DNAH12: variants seen among roughly 807,000 people sequenced by gnomAD.
DNAH12 encodes axonemal beta dynein heavy chain 12.
Under a neutral mutation model 371.5 loss-of-function variants are expected in DNAH12, and 285 were observed. The observed-to-expected ratio is 0.77, with a 90% CI of 0.70 to 0.85. DNAH12 has a LOEUF of 0.85. Ranked by LOEUF, DNAH12 falls within the 40% of genes least tolerant of loss-of-function variation. The pLI, the probability that DNAH12 is intolerant of heterozygous loss-of-function variation, is 0.00. For synonymous variants in DNAH12, 1,200 were observed against 1,213.0 expected, an observed-to-expected ratio of 0.99 and a Z score of 0.22; for missense variants, 3,611 against 3,689.4, an observed-to-expected ratio of 0.98 and a Z score of 0.55.
chr3:57,370,209 G>A (rs2063140338), intron 55 of DNAH12, among the ~76,000 whole-genome samples: 1 of 118,184 alleles, frequency 8.5e-6, no homozygotes, highest in African/African-American at 2.8e-5. Context: ...CATTTTATTT[G>A]TTTGTCTCCT....
chr3:57,451,961 C>A (rs1011446608), intron 25 of DNAH12, among the ~76,000 whole-genome samples: 4 of 152,172 alleles, frequency 2.6e-5, no homozygotes, highest in African/African-American at 9.6e-5. Context: ...GGTCAAGCTG[C>A]GTACTTGATC....
chr3:57,305,188 TAC>T (rs1231363842), intron 69 of DNAH12, among the ~76,000 whole-genome samples: 1 of 152,170 alleles, frequency 6.6e-6, no homozygotes, highest in Non-Finnish European at 1.5e-5. Context: ...GGCATTCTTT[TAC>T]ACATTGTTCC....
At chr3:57,348,187 G>A (rs896009372) in intron 60 of DNAH12, among the ~76,000 whole-genome samples, 1 of 152,060 alleles carries the variant, frequency 6.6e-6, no homozygotes, top group African/African-American at 2.4e-5. Flanking sequence ...GCACTAAAAA[G>A]AAATAAGCTA....
chr3:57,350,541 T>C (rs2062648348), intron 60 of DNAH12, among the ~76,000 whole-genome samples: 1 of 152,226 alleles, frequency 6.6e-6, no homozygotes, highest in Non-Finnish European at 1.5e-5. Flanking sequence ...ATGTGGCTTG[T>C]ACATCTAAAT....
chr3:57,526,898 T>C (rs575041766), intron 2 of DNAH12, among the ~76,000 whole-genome samples: 8 of 150,984 alleles, frequency 5.3e-5, no homozygotes, highest in Admixed American at 4.0e-4. Flanking sequence ...TGGGTGGCAC[T>C]ATCTCAGCTC....
chr3:57,388,345 C>A (rs1057023093), intron 45 of DNAH12, among the ~76,000 whole-genome samples: 4 of 152,140 alleles, frequency 2.6e-5, no homozygotes, highest in Non-Finnish European at 5.9e-5. Context: ...CATGGCATAT[C>A]ATTAATCTTT....
intron 2 of DNAH12, among the ~76,000 whole-genome samples, chr3:57,538,321 A>AACAGTCCGGG (rs1407133604): frequency 1.3e-5 from 2 of 151,428 alleles, no homozygotes; most frequent in African/African-American, 4.8e-5. Flanking sequence ...CTCAGTATTA[A>AACAGTCCGGG]TACAGCACTA....
rs1215931941 is a variant in DNAH12, at chr3:57,379,708, G to A, written c.8083-410C>T. On this transcript the variant is annotated intron_variant, in intron 51 of 73. Transcript: ENST00000495027. ...GTACAAAAATTAGCTGGGCATAGTG[G>A]TGGGTGCCTGTAATCCCAGCTACTC... is the stretch of plus-strand genomic sequence containing the variant. 4.6e-5 allele frequency among the ~76,000 whole-genome samples: 7 copies of A among 151,862 alleles called. No individual in the cohort carries two copies. In the East Asian group the frequency reaches 1.4e-3, roughly 30 times the overall value.
At chr3:57,354,335 G>T (rs1319265755) in intron 59 of DNAH12, among the ~76,000 whole-genome samples, 1 of 152,056 alleles carries the variant, frequency 6.6e-6, no homozygotes, top group Non-Finnish European at 1.5e-5. Context: ...AGACACTGAG[G>T]CCTACTCAAA....
intron 17 of DNAH12, among the ~76,000 whole-genome samples, chr3:57,463,962 C>G (rs990175210): frequency 2.6e-4 from 40 of 151,770 alleles, no homozygotes; most frequent in African/African-American, 8.7e-4. Flanking sequence ...GAAAAAACTC[C>G]AAGCAGATGA....
chr3:57,488,945 T>TGC (rs1203396701), intron 12 of DNAH12, among the ~76,000 whole-genome samples: 1 of 151,922 alleles, frequency 6.6e-6, no homozygotes, highest in Non-Finnish European at 1.5e-5. Context: ...AAAGTGTGTG[T>TGC]GTGTGTGTGT....
At chr3:57,548,675 C>T (rs2069596714), upstream of DNAH12, among the ~76,000 whole-genome samples, 1 of 151,986 alleles carries the variant, frequency 6.6e-6, no homozygotes, top group South Asian at 2.1e-4. Flanking sequence ...CACTGCACTC[C>T]AGCCTGGGTG....
intron 11 of DNAH12, 149 bp from the exon 12 acceptor site, chr3:57,489,836 A>G: frequency 4.0e-6 from 3 of 759,086 alleles, no homozygotes; most frequent in Non-Finnish European, 3.9e-6. Flanking sequence ...TGTTGCATAC[A>G]TATTTTTTTC....
At chr3:57,425,698 A>C (rs1012876056) in intron 34 of DNAH12, among the ~76,000 whole-genome samples, 2 of 152,234 alleles carry the variant, frequency 1.3e-5, no homozygotes, top group Admixed American at 1.3e-4. Context: ...CACATAATAC[A>C]TTCTAAATTC....
At position 57,311,075 on chromosome 3, in the gene DNAH12, C is replaced by T. The variant is rs575809147; in HGVS notation, c.10663-125G>A. ...ATTATCATGAGTTGTCTTTCGGTAG[C>T]TGAGATTGTTAGTTTTTTTTTGGAC... is the stretch of plus-strand genomic sequence containing the variant. On this transcript the variant is annotated intron_variant, in intron 66 of 73. Coordinates refer to ENST00000495027, the MANE Select transcript of DNAH12 (RefSeq NM_001366028.2). 189 of 734,100 alleles carry T rather than the reference C, an allele frequency of 2.6e-4. 1 individual carries two copies. Among genetic ancestry groups the T allele is most frequent in the Non-Finnish European group, 2.8e-4 (126 of 451,986 alleles). 45.5% of individuals were successfully genotyped at this position (734,100 alleles called of 1,614,324 possible). A position where few individuals can be genotyped will look rare whatever the true frequency, so the allele number is the denominator to read the frequency against.
intron 15 of DNAH12, 43 bp downstream of exon 15, chr3:57,471,429 T>C (rs1435623325): frequency 2.7e-6 from 4 of 1,489,966 alleles, no homozygotes; most frequent in Non-Finnish European, 3.5e-6. Flanking sequence ...CCTATATGAC[T>C]CTATGGGCTG....
intron 25 of DNAH12, among the ~76,000 whole-genome samples, chr3:57,451,928 A>T (rs761492509): frequency 6.6e-6 from 1 of 152,180 alleles, no homozygotes; most frequent in Non-Finnish European, 1.5e-5. Context: ...CCCAGGAAGT[A>T]TGTCAATGTA....
chr3:57,487,414 A>AAAAGAAAGAAAGAAAAAAAAGAAAAAG lies in DNAH12; in HGVS notation c.1514+2094_1514+2095insCTTTTTCTTTTTTTTCTTTCTTTCTTT, dbSNP rs5849211. On this transcript the variant is annotated intron_variant, in intron 12 of 73. Coordinates refer to ENST00000495027, the MANE Select transcript of DNAH12 (RefSeq NM_001366028.2). ...GAGAAAGAAAGAAAGAAAAAAAAGA[A>AAAAGAAAGAAAGAAAAAAAAGAAAAAG]AAAGAAAGAAAAAAAAGAAAGAGCA... Among the ~76,000 whole-genome samples, 1,007 of 146,318 alleles carry AAAAGAAAGAAAGAAAAAAAAGAAAAAG rather than the reference A, an allele frequency of 6.9e-3. 8 individuals carry two copies. Among genetic ancestry groups the AAAAGAAAGAAAGAAAAAAAAGAAAAAG allele is most frequent in the Non-Finnish European group, 0.011 (756 of 66,176 alleles).
At chr3:57,321,411 C>T (rs144527181) in intron 65 of DNAH12, among the ~76,000 whole-genome samples, 59 of 152,122 alleles carry the variant, frequency 3.9e-4, no homozygotes, top group Non-Finnish European at 7.5e-4. Context: ...ATAAATAGTA[C>T]ATGTTGGGGT....
Sources: allele counts gnomAD v4.1 joint callset (sites outside exome capture counted in the v4.1 genomes callset), GRCh38; gene constraint gnomAD v4.1.1; transcripts MANE v1.5; gene names NCBI Gene and HGNC (gene_info 2026-07-23, HGNC 2026-07-21).